The following YPEL2 variants were observed in gnomAD, a reference collection of about 807,000 sequenced individuals.
YPEL2 encodes protein yippee-like 2.
In YPEL2, 2 loss-of-function variants were observed where a neutral mutation model predicts 19.1. That is an observed-to-expected ratio of 0.10 (90% confidence interval 0.04 to 0.33). YPEL2 has a LOEUF of 0.33. Among genes scored for constraint, YPEL2 ranks in the 10% least tolerant of loss-of-function variants. YPEL2 has a pLI of 1.00. For synonymous variants in YPEL2, 52 were observed against 50.0 expected (o/e 1.04, Z -0.17); for missense variants, 66 against 140.7 (o/e 0.47, Z 2.68).
intron 1 of YPEL2, among the ~76,000 whole-genome samples, chr17:59,339,851 C>G (rs543640984): frequency 6.6e-6 from 1 of 152,090 alleles, no homozygotes; most frequent in East Asian, 1.9e-4. Context: ...CCCTCATAGA[C>G]GCATAACAGG....
rs376837263 is a variant in YPEL2, at chr17:59,364,483, T to C, written c.117+10957T>C. Among the ~76,000 whole-genome samples the C allele has an allele frequency of 3.9e-5, 6 of 152,340 alleles. No individual in the cohort carries two copies. In the South Asian group the frequency reaches 1.2e-3, roughly 32 times the overall value. On this transcript the variant is annotated intron_variant, in intron 2 of 4. Transcript: ENST00000312655. ...GTTCCTTCTACTTCCCCCCTGCGTC[T>C]TCTGAGTCTAATGTAGTAGCATAAG...
At chr17:59,362,592 G>A (rs1297818989) in intron 2 of YPEL2, 1 of 152,160 alleles carries the variant, frequency 6.6e-6, no homozygotes, top group African/African-American at 2.4e-5. Flanking sequence ...TGAGCGATGA[G>A]GCGTACCCTG....
rs1334440987 is a variant in YPEL2 at position 59,397,924 on chromosome 17, G to A, written c.*734G>A. 1 of 152,232 alleles carries A rather than the reference G, an allele frequency of 6.6e-6. No individual in the cohort carries two copies. The highest frequency in any genetic ancestry group is 1.9e-4 in the East Asian group (1 of 5,174). The allele number at this position is 152,232 out of a possible 1,614,324, so 9.4% of individuals were successfully genotyped here. ...GACTCTGATGCCTCACTCAGTCTCT[G>A]GGCAATCATCATCTTTGCCTCTAGC... On this transcript the variant is annotated 3_prime_UTR_variant, in exon 5 of 5. Coordinates refer to ENST00000312655, the MANE Select transcript of YPEL2 (RefSeq NM_001005404.4).
chr17:59,378,501 C>A (rs148658272), intron 2 of YPEL2, among the ~76,000 whole-genome samples: 1 of 152,056 alleles, frequency 6.6e-6, no homozygotes, highest in Non-Finnish European at 1.5e-5. Context: ...CACACCACCA[C>A]GCCCAGCTAA....
intron 1 of YPEL2, among the ~76,000 whole-genome samples, chr17:59,347,785 C>T (rs1009018837): frequency 2.0e-5 from 3 of 152,114 alleles, no homozygotes; most frequent in Non-Finnish European, 2.9e-5. Context: ...TTAAAGGATC[C>T]TAATGGAAGG....
intron 1 of YPEL2, among the ~76,000 whole-genome samples, chr17:59,344,374 A>G (rs555394255): frequency 2.0e-4 from 30 of 152,334 alleles, no homozygotes; most frequent in African/African-American, 7.0e-4. Context: ...ACAGAGAGGT[A>G]GGAGAAGAAT....
intron 4 of YPEL2, among the ~76,000 whole-genome samples, chr17:59,391,901 A>G (rs945796360): frequency 4.6e-5 from 4 of 87,674 alleles, no homozygotes; most frequent in African/African-American, 3.3e-4. Flanking sequence ...CTCTATCTCA[A>G]AAAACAAGCA....
chr17:59,345,353 C>T (rs148981475), intron 1 of YPEL2: 2 of 152,212 alleles, frequency 1.3e-5, no homozygotes, highest in Admixed American at 6.5e-5. Flanking sequence ...GTTTTTATTA[C>T]CAGCTGGATG....
Position 59,400,121 on chromosome 17 carries a change from A to C in YPEL2, c.*2931A>C, listed in dbSNP as rs2048062766. ...CCGGGACATTAGTCTCAGGCTGCTGATGGATTGATTTGACATGAACCAAAC... is the reference window on the plus strand; with the variant it reads ...CCGGGACATTAGTCTCAGGCTGCTGCTGGATTGATTTGACATGAACCAAAC... On this transcript the variant is annotated 3_prime_UTR_variant, in exon 5 of 5. Transcript: ENST00000312655. 6.6e-6 allele frequency: 1 copy of C among 152,566 alleles called. No homozygotes were observed. The highest frequency in any genetic ancestry group is 2.4e-5 in the African/African-American group (1 of 41,394). The allele number at this position is 152,566 out of a possible 1,614,324, so 9.5% of individuals were successfully genotyped here. A position where few individuals can be genotyped will look rare whatever the true frequency, so the allele number is the denominator to read the frequency against.
At chr17:59,390,184 T>C (rs975293437) in intron 4 of YPEL2, among the ~76,000 whole-genome samples, 1 of 152,144 alleles carries the variant, frequency 6.6e-6, no homozygotes, top group African/African-American at 2.4e-5. Flanking sequence ...GTATTTTTAG[T>C]AGAGACAGGA....
At position 59,400,725 on chromosome 17, in the gene YPEL2, C is replaced by T. The variant is rs968644065; in HGVS notation, c.*3535C>T. On this transcript the variant is annotated 3_prime_UTR_variant, in exon 5 of 5. Coordinates refer to ENST00000312655, the MANE Select transcript of YPEL2 (RefSeq NM_001005404.4). ...AAGAATTTCCAACAAATCAGAATCA[C>T]GTTTTTAGTTGTGCGTGTGCGCGCA... The T allele has an allele frequency of 6.6e-6, 1 of 152,538 alleles. No homozygotes were observed. Among genetic ancestry groups the T allele is most frequent in the Non-Finnish European group, 1.5e-5 (1 of 68,024 alleles). The allele number at this position is 152,538 out of a possible 1,614,324, so 9.4% of individuals were successfully genotyped here.
intron 2 of YPEL2, chr17:59,362,668 C>T (rs987931328): frequency 1.3e-5 from 2 of 152,136 alleles, no homozygotes; most frequent in Admixed American, 6.5e-5. Context: ...TGTATATTAG[C>T]GTCTAGGCTC....
intron 2 of YPEL2, among the ~76,000 whole-genome samples, chr17:59,370,120 G>A (rs866211798): frequency 2.0e-5 from 3 of 152,150 alleles, no homozygotes; most frequent in East Asian, 1.9e-4. Context: ...GCAGTGGCGC[G>A]ATCTGGGCTC....
intron 2 of YPEL2, among the ~76,000 whole-genome samples, chr17:59,357,656 A>T (rs530232138): frequency 6.6e-6 from 1 of 152,328 alleles, no homozygotes; most frequent in East Asian, 1.9e-4. Context: ...TAGTGAGAAT[A>T]ATCTAAACAC....
chr17:59,360,012 G>T (rs190335785), intron 2 of YPEL2, among the ~76,000 whole-genome samples: 174 of 152,352 alleles, frequency 1.1e-3, no homozygotes, highest in African/African-American at 4.0e-3. Flanking sequence ...AGACTCTCCT[G>T]CCTCAGCCTT....
Position 59,401,332 on chromosome 17 carries a change from G to A in YPEL2, c.*4142G>A, listed in dbSNP as rs962771947. 3.3e-5 allele frequency: 5 copies of A among 152,578 alleles called. No homozygotes were observed. Among genetic ancestry groups the A allele is most frequent in the African/African-American group, 1.2e-4 (5 of 41,412 alleles). 9.5% of individuals were successfully genotyped at this position (152,578 alleles called of 1,614,324 possible). On this transcript the variant is annotated 3_prime_UTR_variant, in exon 5 of 5. Coordinates refer to ENST00000312655, the MANE Select transcript of YPEL2 (RefSeq NM_001005404.4). Reference sequence around the variant, plus strand: ...CTTTTTTAAAAATTAAAATAGTTATGAAATCTGGCAGAAAAGGTAAAGCCT... The same window carrying A: ...CTTTTTTAAAAATTAAAATAGTTATAAAATCTGGCAGAAAAGGTAAAGCCT...
At chr17:59,395,450 A>G (rs2048033985) in intron 4 of YPEL2, among the ~76,000 whole-genome samples, 1 of 152,190 alleles carries the variant, frequency 6.6e-6, no homozygotes, top group South Asian at 2.1e-4. Context: ...GACACAGATG[A>G]CCAGTGTTTT....
chr17:59,386,827 A>C (rs894140553), intron 2 of YPEL2, among the ~76,000 whole-genome samples: 1 of 152,072 alleles, frequency 6.6e-6, no homozygotes, highest in African/African-American at 2.4e-5. Context: ...AAAGGAGAGA[A>C]TTGGTTTGGG....
At chr17:59,393,224 C>T (rs944815817) in intron 4 of YPEL2, among the ~76,000 whole-genome samples, 3 of 151,854 alleles carry the variant, frequency 2.0e-5, no homozygotes, top group African/African-American at 4.8e-5. Flanking sequence ...ACCTCCTGGA[C>T]CCAGATGATC....
Sources: allele counts gnomAD v4.1 joint callset (sites outside exome capture counted in the v4.1 genomes callset), GRCh38; gene constraint gnomAD v4.1.1; transcripts MANE v1.5; gene names NCBI Gene and HGNC (gene_info 2026-07-23, HGNC 2026-07-21).